The following XPO7 variants were observed in gnomAD, a reference collection of about 807,000 sequenced individuals.
XPO7 encodes exportin-7.
In XPO7, 21 loss-of-function variants were observed where a neutral mutation model predicts 144.3. The observed-to-expected ratio is 0.15, with a 90% CI of 0.10 to 0.21. The LOEUF (loss-of-function observed/expected upper bound fraction) is 0.21. Ranked by LOEUF, XPO7 falls within the 10% of genes least tolerant of loss-of-function variation. The pLI is 1.00. For synonymous variants in XPO7, 580 were observed against 499.6 expected (o/e 1.16, Z -2.15); for missense variants, 808 against 1,325.8 (o/e 0.61, Z 6.06).
intron 1 of XPO7, among the ~76,000 whole-genome samples, chr8:21,952,675 A>G (rs953789558): frequency 2.0e-5 from 3 of 152,238 alleles, no homozygotes; most frequent in Non-Finnish European, 4.4e-5. Flanking sequence ...CTAGTTTAGA[A>G]TGGCAGAGAG....
At chr8:21,978,760 GACA>G (rs948983634) in intron 8 of XPO7, among the ~76,000 whole-genome samples, 1 of 152,182 alleles carries the variant, frequency 6.6e-6, no homozygotes, top group African/African-American at 2.4e-5. Context: ...AGGAGGGCTG[GACA>G]ACAAGAACTA....
intron 21 of XPO7, among the ~76,000 whole-genome samples, chr8:21,996,731 G>T (rs1812960523): frequency 1.3e-5 from 2 of 152,158 alleles, no homozygotes; most frequent in Non-Finnish European, 2.9e-5. Context: ...AGAATTTCAG[G>T]TATGGGCATT....
At chr8:21,962,780 T>G (rs1235615583) in intron 1 of XPO7, among the ~76,000 whole-genome samples, 1 of 152,260 alleles carries the variant, frequency 6.6e-6, no homozygotes, top group East Asian at 1.9e-4. Context: ...GCCATTCACC[T>G]TCTAACCTAA....
intron 2 of XPO7, among the ~76,000 whole-genome samples, chr8:21,967,870 T>C (rs957419393): frequency 3.2e-4 from 49 of 152,172 alleles, no homozygotes; most frequent in African/African-American, 1.1e-3. Context: ...AAAATCACTA[T>C]CTTTGGCAAG....
chr8:21,929,513 CCTT>C (rs1337824918), intron 1 of XPO7, among the ~76,000 whole-genome samples: 1 of 152,182 alleles, frequency 6.6e-6, no homozygotes, highest in South Asian at 2.1e-4. Context: ...AAAGAACAAA[CCTT>C]CTAAAATTCC....
intron 1 of XPO7, among the ~76,000 whole-genome samples, chr8:21,946,606 C>CT (rs1640068106): frequency 7.1e-6 from 1 of 140,634 alleles, no homozygotes; most frequent in Non-Finnish European, 1.5e-5. Flanking sequence ...AAACATGAAT[C>CT]TAAGTTAAAG....
rs1248045608 is a variant in XPO7 at position 21,963,538 on chromosome 8, A to G, written c.19-3319A>G. Among the ~76,000 whole-genome samples the G allele has an allele frequency of 2.6e-5, 4 of 152,192 alleles. No individual in the cohort carries two copies. In the East Asian group the frequency reaches 5.8e-4, roughly 22 times the overall value. On this transcript the variant is annotated intron_variant, in intron 1 of 27. Coordinates refer to ENST00000252512, the MANE Select transcript of XPO7 (RefSeq NM_015024.5). ...GTGAAACCCCGTCTCTACTAAAAAT[A>G]TAAAAAATTAGCTGGGCGTGGTGGC...
At chr8:21,981,295 G>T (rs181146718) in intron 9 of XPO7, among the ~76,000 whole-genome samples, 3 of 152,094 alleles carry the variant, frequency 2.0e-5, no homozygotes, top group Non-Finnish European at 2.9e-5. Context: ...GCTAACTATC[G>T]GTTAGTTGTG....
intron 15 of XPO7, 138 bp from the exon 16 acceptor site, chr8:21,988,865 T>C: frequency 1.5e-6 from 1 of 680,826 alleles, no homozygotes; most frequent in South Asian, 1.9e-5. Context: ...CCATCTTTTT[T>C]TGTGGTCGTG....
intron 15 of XPO7, 133 bp downstream of exon 15, chr8:21,987,990 G>GTTT: frequency 1.0e-6 from 1 of 955,354 alleles, no homozygotes. Flanking sequence ...TTGTGCATTT[G>GTTT]AGTGTGTGAC....
Position 22,005,106 on chromosome 8 carries a change from C to A in XPO7, c.*18C>A. The stretch of plus-strand genomic sequence containing the variant: ...TGAGCTGACACCTCCTTGGACTCTA[C>A]CTGTACAGAGCAGCGTCCCTTTGGT... On this transcript the variant is annotated 3_prime_UTR_variant, in exon 28 of 28. Transcript: ENST00000252512. The A allele has an allele frequency of 6.2e-7, 1 of 1,602,672 alleles. No homozygotes were observed. The highest frequency in any genetic ancestry group is 8.5e-7 in the Non-Finnish European group (1 of 1,171,250).
In XPO7 at chr8:21,995,325, A is replaced by G. The variant is rs1229869142; in HGVS notation, c.2238-167A>G. ...CCTTTCACAGGTTAAAGAACACAAA[A>G]TCACTTTAGTATCTTCTGGTTAGAA... On this transcript the variant is annotated intron_variant, in intron 20 of 27. Coordinates refer to ENST00000252512, the MANE Select transcript of XPO7 (RefSeq NM_015024.5). Among the ~76,000 whole-genome samples the G allele has an allele frequency of 2.0e-5, 3 of 152,202 alleles. No individual in the cohort carries two copies. In the East Asian group the frequency reaches 5.8e-4, roughly 29 times the overall value.
chr8:21,940,280 T>C (rs965091130), intron 1 of XPO7, among the ~76,000 whole-genome samples: 5 of 152,228 alleles, frequency 3.3e-5, no homozygotes, highest in Non-Finnish European at 7.3e-5. Flanking sequence ...CCTATTTCTT[T>C]GTGAGCTAAA....
At chr8:21,970,377 C>CACAA in intron 4 of XPO7, 67 bp downstream of exon 4, 1 of 1,364,380 alleles carries the variant, frequency 7.3e-7, no homozygotes, top group Non-Finnish European at 1.0e-6. Context: ...TAAACACACA[C>CACAA]ACACACACAC....
intron 1 of XPO7, among the ~76,000 whole-genome samples, chr8:21,925,671 T>G (rs997081816): frequency 6.6e-6 from 1 of 152,218 alleles, no homozygotes; most frequent in African/African-American, 2.4e-5. Flanking sequence ...GCCATTTAAT[T>G]GGGAAACTCG....
At position 21,990,708 on chromosome 8, in the gene XPO7, A is replaced by G. The variant is rs1279609860; in HGVS notation, c.1933-103A>G. The G allele has an allele frequency of 7.2e-5, 88 of 1,220,552 alleles. 1 individual carries two copies. In the South Asian group the frequency reaches 9.6e-4, roughly 13 times the overall value. The allele number at this position is 1,220,552 out of a possible 1,614,324, so 75.6% of individuals were successfully genotyped here. Reference sequence around the variant, plus strand: ...CTTCAGATCCTCAAGGAATGACTACATAACCATTGGCTTGAAAGGGCTCAG... The same window carrying G: ...CTTCAGATCCTCAAGGAATGACTACGTAACCATTGGCTTGAAAGGGCTCAG... On this transcript the variant is annotated intron_variant, in intron 17 of 27. Transcript: ENST00000252512.
At chr8:21,927,887 A>G (rs1810513282) in intron 1 of XPO7, among the ~76,000 whole-genome samples, 1 of 152,148 alleles carries the variant, frequency 6.6e-6, no homozygotes, top group Non-Finnish European at 1.5e-5. Flanking sequence ...GTCCCCTCAA[A>G]TGTAAACAGC....
At chr8:21,984,941 CT>C in intron 12 of XPO7, 102 bp downstream of exon 12, 1 of 1,247,350 alleles carries the variant, frequency 8.0e-7, no homozygotes, top group Non-Finnish European at 1.1e-6. Context: ...CAAAAGGATT[CT>C]TTCATCATCT....
intron 1 of XPO7, among the ~76,000 whole-genome samples, chr8:21,930,618 A>G (rs1442740996): frequency 6.6e-6 from 1 of 152,176 alleles, no homozygotes; most frequent in Non-Finnish European, 1.5e-5. Context: ...GAAAGCAAAT[A>G]TGGCTTCTGT....
Sources: allele counts gnomAD v4.1 joint callset (sites outside exome capture counted in the v4.1 genomes callset), GRCh38; gene constraint gnomAD v4.1.1; transcripts MANE v1.5; gene names NCBI Gene and HGNC (gene_info 2026-07-23, HGNC 2026-07-21).